The following GLRA2 variants were observed in gnomAD, a reference collection of about 807,000 sequenced individuals.
GLRA2 encodes the protein glycine receptor subunit alpha-2.
GLRA2 carries 11 observed loss-of-function variants against 31.6 expected under a neutral mutation model. The ratio of observed to expected loss-of-function variants is 0.35; its 90% CI spans 0.22 to 0.58. GLRA2 has a LOEUF of 0.58. Among genes scored for constraint, GLRA2 ranks in the 20% least tolerant of loss-of-function variants. GLRA2 has a pLI of 0.84. For synonymous variants in GLRA2, 132 were observed against 134.0 expected (o/e 0.99, Z 0.10); for missense variants, 212 against 351.8 (o/e 0.60, Z 3.18).
chrX:14,450,653 C>A, the GLRA2 span, among the ~76,000 whole-genome samples: 1 of 112,063 alleles, frequency 8.9e-6, no homozygotes, highest in Non-Finnish European at 1.9e-5. Context: ...TAACGGTGGG[C>A]TTCTCAGCAG....
the GLRA2 span, among the ~76,000 whole-genome samples, chrX:14,476,177 C>T: frequency 8.9e-6 from 1 of 112,375 alleles, no homozygotes; most frequent in Non-Finnish European, 1.9e-5. Context: ...ATATTTCAGT[C>T]TCCTTTATTT....
At position 14,719,164 on chromosome X, in the gene GLRA2, GTTTTA is replaced by G. The variant is rs752552922; in HGVS notation, c.1081-11033_1081-11029del. On this transcript the variant is annotated intron_variant, in intron 8 of 8. Transcript: ENST00000218075. Reference sequence around the variant, plus strand: ...TAGAAAGCTGTTTTTTGTTATTGGTGTTTTATTTTATTTTCTGGGTAAGGGGAAAT... The same window carrying G: ...TAGAAAGCTGTTTTTTGTTATTGGTGTTTTATTTTCTGGGTAAGGGGAAAT... Among the ~76,000 whole-genome samples, 708 of 111,787 alleles carry G rather than the reference GTTTTA, an allele frequency of 6.3e-3. 7 individuals carry two copies. Among genetic ancestry groups the G allele is most frequent in the African/African-American group, 0.021 (636 of 30,723 alleles).
intron 7 of GLRA2, among the ~76,000 whole-genome samples, chrX:14,644,083 G>A (rs763911112): frequency 2.0e-4 from 22 of 111,331 alleles, no homozygotes; most frequent in African/African-American, 7.2e-4. Context: ...CTTCTACTCT[G>A]GTGTGGTCCA....
the GLRA2 span, among the ~76,000 whole-genome samples, chrX:14,483,046 G>A: frequency 9.0e-6 from 1 of 111,387 alleles, no homozygotes; most frequent in African/African-American, 3.3e-5. Flanking sequence ...GAAGTTTAAA[G>A]CATGCAACAA....
chrX:14,493,550 TACATATATAC>T, the GLRA2 span, among the ~76,000 whole-genome samples: 188 of 105,347 alleles, frequency 1.8e-3, 1 homozygote, highest in African/African-American at 6.0e-3. Context: ...TATACTTATA[TACATATATAC>T]ACATATATAC....
chrX:14,535,834 T>C (rs2147002648), intron 2 of GLRA2, among the ~76,000 whole-genome samples: 1 of 112,615 alleles, frequency 8.9e-6, no homozygotes, highest in East Asian at 2.8e-4. Flanking sequence ...AAATGCACTT[T>C]AAACATTAGG....
At chrX:14,589,495 TAAA>T (rs72146186) in intron 4 of GLRA2, among the ~76,000 whole-genome samples, 8 of 82,916 alleles carry the variant, frequency 9.6e-5, no homozygotes, top group African/African-American at 1.3e-4. Context: ...CCATCTGTAC[TAAA>T]AAAAAAAAAA....
chrX:14,520,102 G>A, the GLRA2 span, among the ~76,000 whole-genome samples: 5 of 111,807 alleles, frequency 4.5e-5, no homozygotes, highest in Admixed American at 1.9e-4. Context: ...CAGCATTCTC[G>A]GAATCCAAGG....
chrX:14,686,698 C>G (rs1479016532), intron 7 of GLRA2, among the ~76,000 whole-genome samples: 1 of 111,351 alleles, frequency 9.0e-6, no homozygotes, highest in African/African-American at 3.3e-5. Context: ...TTATTTTGAG[C>G]CTATGTGTGT....
chrX:14,601,782 A>G (rs987173906), intron 4 of GLRA2, among the ~76,000 whole-genome samples: 1 of 111,282 alleles, frequency 9.0e-6, no homozygotes, highest in Non-Finnish European at 1.9e-5. Flanking sequence ...ACTTGAATAG[A>G]TTGTAAAAAT....
chrX:14,596,596 G>A (rs938277962), intron 4 of GLRA2, among the ~76,000 whole-genome samples: 3 of 110,815 alleles, frequency 2.7e-5, no homozygotes, highest in Non-Finnish European at 1.9e-5. Flanking sequence ...GCTGTGAGCC[G>A]AGATCATGCC....
intron 8 of GLRA2, among the ~76,000 whole-genome samples, chrX:14,719,063 C>T (rs931980599): frequency 4.5e-5 from 5 of 111,865 alleles, no homozygotes; most frequent in Non-Finnish European, 9.4e-5. Context: ...ATTCACATCC[C>T]TCCCACGTGC....
chrX:14,454,769 C>A, the GLRA2 span, among the ~76,000 whole-genome samples: 6 of 111,541 alleles, frequency 5.4e-5, no homozygotes, highest in Non-Finnish European at 1.1e-4. Flanking sequence ...GAAATAAGTT[C>A]ATCCTTTACT....
At chrX:14,601,535 T>C (rs905165269) in intron 4 of GLRA2, among the ~76,000 whole-genome samples, 1 of 111,967 alleles carries the variant, frequency 8.9e-6, no homozygotes, top group Non-Finnish European at 1.9e-5. Context: ...TAATGCAAGA[T>C]AAAGAATAAA....
intron 7 of GLRA2, among the ~76,000 whole-genome samples, chrX:14,688,889 C>G (rs917414378): frequency 9.0e-6 from 1 of 111,698 alleles, no homozygotes; most frequent in South Asian, 3.8e-4. Flanking sequence ...TCTTCTGCGT[C>G]GCTCAGGCTG....
chrX:14,526,749 G>A (rs1009154672), upstream of GLRA2, among the ~76,000 whole-genome samples: 6 of 112,164 alleles, frequency 5.3e-5, no homozygotes, highest in East Asian at 2.8e-4. Flanking sequence ...GAATTGTTTA[G>A]AAAGCAGTTG....
chrX:14,618,848 A>G (rs748081228), intron 7 of GLRA2, among the ~76,000 whole-genome samples: 1 of 111,701 alleles, frequency 9.0e-6, no homozygotes, highest in African/African-American at 3.2e-5. Context: ...GAGGCTGTAC[A>G]CATTTCTTTA....
intron 7 of GLRA2, among the ~76,000 whole-genome samples, chrX:14,674,741 CTT>C (rs900918889): frequency 1.9e-5 from 2 of 107,813 alleles, no homozygotes; most frequent in East Asian, 2.9e-4. Context: ...CAGTTTTTCT[CTT>C]CTCTTTCTTT....
At position 14,606,668 on chromosome X, in the gene GLRA2, G is replaced by A. The variant is rs762543797; in HGVS notation, c.578-463G>A. On this transcript the variant is annotated intron_variant, in intron 5 of 8. Transcript: ENST00000218075. ...GGAGGGCCAAGTCTGTAATGGGAATGTTTTAGGCAGGCCCGTGATTAATTC... is the reference window on the plus strand; with the variant it reads ...GGAGGGCCAAGTCTGTAATGGGAATATTTTAGGCAGGCCCGTGATTAATTC... Among the ~76,000 whole-genome samples the A allele has an allele frequency of 2.3e-3, 256 of 111,674 alleles. 1 individual carries two copies. The highest frequency in any genetic ancestry group is 4.6e-3 in the Middle Eastern group (1 of 217).
Sources: allele counts gnomAD v4.1 joint callset (sites outside exome capture counted in the v4.1 genomes callset), GRCh38; gene constraint gnomAD v4.1.1; transcripts MANE v1.5; gene names NCBI Gene and HGNC (gene_info 2026-07-23, HGNC 2026-07-21).